Variants in PARP8 observed in about 807,000 individuals in gnomAD.
PARP8 encodes the protein poly(ADP-ribose) polymerase family member 8.
PARP8 carries 51 observed loss-of-function variants against 124.1 expected under a neutral mutation model. The ratio of observed to expected loss-of-function variants is 0.41; its 90% confidence interval spans 0.33 to 0.52. PARP8 has a LOEUF of 0.52. PARP8 is among the 20% of genes least tolerant of loss of function. The pLI is 0.21. For synonymous variants in PARP8, 391 were observed against 361.5 expected, an observed-to-expected ratio of 1.08 and a Z score of -0.93; for missense variants, 860 against 1,018.9, an observed-to-expected ratio of 0.84 and a Z score of 2.12.
chr5:50,763,987 C>T (rs1760814840), intron 7 of PARP8, among the ~76,000 whole-genome samples: 1 of 152,184 alleles, frequency 6.6e-6, no homozygotes, highest in African/African-American at 2.4e-5. Flanking sequence ...TCCCGCTTCA[C>T]GTTGGGCATT....
intron 2 of PARP8, among the ~76,000 whole-genome samples, chr5:50,676,851 T>TC (rs1750696540): frequency 6.6e-6 from 1 of 152,170 alleles, no homozygotes; most frequent in African/African-American, 2.4e-5. Flanking sequence ...CAAACCCCTT[T>TC]TTTAAGGCAA....
At chr5:50,787,045 G>A (rs1275442365) in intron 9 of PARP8, among the ~76,000 whole-genome samples, 1 of 152,016 alleles carries the variant, frequency 6.6e-6, no homozygotes, top group African/African-American at 2.4e-5. Flanking sequence ...TCACATTGTA[G>A]GAATTGGTAA....
intron 2 of PARP8, among the ~76,000 whole-genome samples, chr5:50,674,906 A>T (rs1445741821): frequency 6.6e-6 from 1 of 152,266 alleles, no homozygotes; most frequent in Admixed American, 6.5e-5. Flanking sequence ...TGAGTAGAAC[A>T]AAGTAAGAAT....
intron 2 of PARP8, among the ~76,000 whole-genome samples, chr5:50,669,888 G>A (rs925646452): frequency 3.9e-5 from 6 of 152,166 alleles, no homozygotes; most frequent in African/African-American, 1.4e-4. Context: ...AAGTGTACCT[G>A]AGCCTTTTAT....
chr5:50,830,188 A>T (rs1402265794), intron 22 of PARP8, among the ~76,000 whole-genome samples: 2 of 152,182 alleles, frequency 1.3e-5, no homozygotes, highest in Non-Finnish European at 2.9e-5. Flanking sequence ...AAAATATTTA[A>T]TATTCCTTAC....
At chr5:50,738,294 T>C (rs1335035316) in intron 2 of PARP8, among the ~76,000 whole-genome samples, 1 of 152,134 alleles carries the variant, frequency 6.6e-6, no homozygotes, top group African/African-American at 2.4e-5. Context: ...AGCAGAAAAA[T>C]ATTAAAACCT....
intron 25 of PARP8, among the ~76,000 whole-genome samples, chr5:50,841,639 TA>T (rs1748192529): frequency 6.6e-6 from 1 of 151,828 alleles, no homozygotes; most frequent in Admixed American, 6.6e-5. Flanking sequence ...GAAGCTGTTA[TA>T]TTTTTTTATA....
At position 50,826,358 on chromosome 5, in the gene PARP8, T is replaced by C. The variant is rs370366400; in HGVS notation, c.1929-397T>C. On this transcript the variant is annotated intron_variant, in intron 18 of 25. Coordinates refer to ENST00000281631, the MANE Select transcript of PARP8 (RefSeq NM_024615.4). ...GAAAAAAAATCTTCATAAGAACTTATCCTTAATTTAAGCAATGTAAGAGAG... is the reference window on the plus strand; with the variant it reads ...GAAAAAAAATCTTCATAAGAACTTACCCTTAATTTAAGCAATGTAAGAGAG... Among the ~76,000 whole-genome samples, 9 of 152,230 alleles carry C rather than the reference T, an allele frequency of 5.9e-5. No individual in the cohort carries two copies. In the East Asian group the frequency reaches 1.5e-3, roughly 26 times the overall value.
intron 2 of PARP8, among the ~76,000 whole-genome samples, chr5:50,682,697 A>G (rs1018031779): frequency 6.6e-6 from 1 of 152,142 alleles, no homozygotes; most frequent in African/African-American, 2.4e-5. Flanking sequence ...GGTCATGTAA[A>G]TGTTGTGTCA....
chr5:50,696,147 G>A (rs771113933), intron 2 of PARP8, among the ~76,000 whole-genome samples: 8 of 152,242 alleles, frequency 5.3e-5, no homozygotes, highest in African/African-American at 1.4e-4. Context: ...GGATTAAGGC[G>A]AGTCAAACTA....
intron 13 of PARP8, 44 bp downstream of exon 13, chr5:50,797,076 T>TA (rs1252374428): frequency 1.9e-6 from 3 of 1,609,832 alleles, no homozygotes; most frequent in African/African-American, 1.3e-5. Context: ...TTTTAGTTCT[T>TA]ACGGGGTTTT....
rs975802381 is a variant in PARP8 at position 50,795,352 on chromosome 5, C to T, written c.1363C>T (p.Leu455Phe). Reference protein sequence around the residue: ...FKEPNAEGRRLSLTSGLIGIL... With the variant: ...FKEPNAEGRRFSLTSGLIGIL... ...GGAACCTAACGCAGAGGGCAGGAGGCTCTCTCTTACCTCAGGGCTTATTGG... is the reference window on the plus strand; with the variant it reads ...GGAACCTAACGCAGAGGGCAGGAGGTTCTCTCTTACCTCAGGGCTTATTGG... The change falls in exon 12 of 26, where the codon CTC becomes TTC. Residue 455 changes from leucine (L) to phenylalanine (F), a missense_variant. Leu to Phe is a conservative substitution (Grantham distance 22, BLOSUM62 0). Coordinates refer to ENST00000281631, the MANE Select transcript of PARP8 (RefSeq NM_024615.4). The T allele has an allele frequency of 2.5e-6, 4 of 1,613,928 alleles. No homozygotes were observed. Among genetic ancestry groups the T allele is most frequent in the East Asian group, 4.5e-5 (2 of 44,890 alleles).
At chr5:50,789,264 A>T in intron 10 of PARP8, among the ~76,000 whole-genome samples, 1 of 152,200 alleles carries the variant, frequency 6.6e-6, no homozygotes, top group Non-Finnish European at 1.5e-5. Context: ...GAAAAAGAAA[A>T]CACTGATAGA....
chr5:50,733,865 TA>T (rs1178582163), intron 2 of PARP8, among the ~76,000 whole-genome samples: 1 of 152,156 alleles, frequency 6.6e-6, no homozygotes. Context: ...ATCTTTTCCT[TA>T]AATCTCTACT....
intron 2 of PARP8, among the ~76,000 whole-genome samples, chr5:50,706,295 T>C (rs1754143554): frequency 6.6e-6 from 1 of 152,176 alleles, no homozygotes; most frequent in South Asian, 2.1e-4. Flanking sequence ...ATATATTTTA[T>C]TGAGTTTTAA....
intron 2 of PARP8, among the ~76,000 whole-genome samples, chr5:50,733,721 C>G (rs980566645): frequency 6.6e-6 from 1 of 152,096 alleles, no homozygotes; most frequent in African/African-American, 2.4e-5. Flanking sequence ...GTGGTAAAAT[C>G]TAATGTTTTT....
rs761314785 is a variant in PARP8, at chr5:50,795,138, A to G, written c.1149A>G (p.Arg383=). The G allele has an allele frequency of 6.2e-7, 1 of 1,614,076 alleles. No individual in the cohort carries two copies. The highest frequency in any genetic ancestry group is 1.3e-5 in the African/African-American group (1 of 74,936). ...AATGCCTAACTCTAAAGTCGCATAG[A>G]CTATTGACTCGATCTTGTTCTGGAG... ...SEECLTLKSH[R]LLTRSCSGDP... The change falls in exon 12 of 26, where the codon AGA becomes AGG. Residue 383 remains arginine (R), a synonymous_variant. Coordinates refer to ENST00000281631, the MANE Select transcript of PARP8 (RefSeq NM_024615.4).
intron 9 of PARP8, among the ~76,000 whole-genome samples, chr5:50,785,789 G>T (rs1023290931): frequency 3.9e-5 from 6 of 152,142 alleles, no homozygotes; most frequent in African/African-American, 1.4e-4. Context: ...ATACCATTTG[G>T]CTTACAATAT....
chr5:50,841,877 A>G (rs1748223425), intron 25 of PARP8, 89 bp from the exon 26 acceptor site: 6 of 862,236 alleles, frequency 7.0e-6, no homozygotes, highest in Admixed American at 2.8e-5. Context: ...CTCTTGGGCT[A>G]TATTTTAGGT....
Sources: gnomAD v4.1 joint callset for allele counts (sites outside exome capture counted in the v4.1 genomes callset) on GRCh38, gnomAD v4.1.1 for gene constraint, MANE v1.5 for transcripts, NCBI Gene and HGNC (gene_info 2026-07-23, HGNC 2026-07-21) for gene names.